GIPC2: variants seen among roughly 807,000 people sequenced by gnomAD.
GIPC2 encodes GIPC PDZ domain containing family member 2, also known as PDZ domain-containing protein GIPC2.
Under a neutral mutation model 30.6 loss-of-function variants are expected in GIPC2, and 30 were observed. The ratio of observed to expected loss-of-function variants is 0.98; its 90% CI spans 0.73 to 1.33. The LOEUF is 1.33. GIPC2 is among the 40% of genes most tolerant of loss of function. GIPC2 has a pLI of 0.00. For synonymous variants in GIPC2, 167 were observed against 150.0 expected, an observed-to-expected ratio of 1.11 and a Z score of -0.83; for missense variants, 414 against 390.3, an observed-to-expected ratio of 1.06 and a Z score of -0.51.
intron 1 of GIPC2, among the ~76,000 whole-genome samples, chr1:78,077,072 G>A (rs1029420197): frequency 5.3e-5 from 8 of 151,958 alleles, no homozygotes; most frequent in African/African-American, 1.9e-4. Flanking sequence ...GAGTCACTGC[G>A]CCCAGCCTAA....
At chr1:78,085,196 T>G (rs1446496217) in intron 2 of GIPC2, among the ~76,000 whole-genome samples, 1 of 152,216 alleles carries the variant, frequency 6.6e-6, no homozygotes, top group East Asian at 1.9e-4. Flanking sequence ...ATCATGTTGT[T>G]TTTGTCTTTA....
At chr1:78,060,661 G>A (rs1177695562) in intron 1 of GIPC2, among the ~76,000 whole-genome samples, 1 of 152,114 alleles carries the variant, frequency 6.6e-6, no homozygotes, top group African/African-American at 2.4e-5. Flanking sequence ...GTCCACTGTG[G>A]AGCTACACAG....
intron 1 of GIPC2, among the ~76,000 whole-genome samples, chr1:78,059,755 G>T (rs1335717942): frequency 6.6e-6 from 1 of 151,558 alleles, no homozygotes; most frequent in East Asian, 1.9e-4. Flanking sequence ...TGGGTAACAA[G>T]AGTGAGAAAA....
chr1:78,076,799 C>T lies in GIPC2; in HGVS notation c.241-3876C>T, dbSNP rs375309934. On this transcript the variant is annotated intron_variant, in intron 1 of 5. Transcript: ENST00000370759. The stretch of plus-strand genomic sequence containing the variant: ...TTTTATTTTTTTTGAGATAGAGTCT[C>T]GCTCTGTCACCCAGGCTGAGGTGCA... Among the ~76,000 whole-genome samples, 106 of 152,234 alleles carry T rather than the reference C, an allele frequency of 7.0e-4. 2 individuals carry two copies. Among genetic ancestry groups the T allele is most frequent in the African/African-American group, 2.3e-3 (97 of 41,546 alleles).
intron 2 of GIPC2, among the ~76,000 whole-genome samples, chr1:78,082,951 T>C (rs1661859513): frequency 6.6e-6 from 1 of 152,150 alleles, no homozygotes; most frequent in South Asian, 2.1e-4. Context: ...CACACATATA[T>C]ATATATATAC....
At chr1:78,111,942 T>C (rs1476991505) in intron 3 of GIPC2, among the ~76,000 whole-genome samples, 2 of 152,242 alleles carry the variant, frequency 1.3e-5, no homozygotes, top group African/African-American at 2.4e-5. Flanking sequence ...ACTAATTTTC[T>C]TATAAGTAAT....
At chr1:78,126,006 CT>C (rs1662775807) in intron 5 of GIPC2, 44 bp downstream of exon 5, 1 of 875,698 alleles carries the variant, frequency 1.1e-6, no homozygotes, top group Non-Finnish European at 1.9e-6. Flanking sequence ...TCTTAATCTG[CT>C]TAATGTTTAT....
intron 1 of GIPC2, among the ~76,000 whole-genome samples, chr1:78,055,839 A>C (rs1661285463): frequency 1.3e-5 from 2 of 152,198 alleles, no homozygotes. Context: ...AGAGCTATGC[A>C]CATGGTAGAT....
intron 4 of GIPC2, among the ~76,000 whole-genome samples, chr1:78,124,491 A>G (rs1309302276): frequency 6.6e-6 from 1 of 152,204 alleles, no homozygotes; most frequent in African/African-American, 2.4e-5. Context: ...GGGATGAGCC[A>G]TCAAACGTTT....
intron 1 of GIPC2, among the ~76,000 whole-genome samples, chr1:78,051,054 C>A (rs1314167311): frequency 6.6e-6 from 1 of 151,808 alleles, no homozygotes. Context: ...GTAGTTTTTA[C>A]CATGATATAT....
intron 3 of GIPC2, among the ~76,000 whole-genome samples, chr1:78,098,133 A>G (rs538298528): frequency 6.6e-6 from 1 of 152,304 alleles, no homozygotes; most frequent in African/African-American, 2.4e-5. Context: ...GATATCTGTC[A>G]GTCTGGGAGT....
chr1:78,058,800 C>T (rs1429131975), intron 1 of GIPC2, among the ~76,000 whole-genome samples: 1 of 152,126 alleles, frequency 6.6e-6, no homozygotes, highest in African/African-American at 2.4e-5. Flanking sequence ...AACAAACACT[C>T]CGTGGACCAA....
chr1:78,125,858 T>C (rs750676869), intron 4 of GIPC2, 23 bp from the exon 5 acceptor site: 1 of 1,326,292 alleles, frequency 7.5e-7, no homozygotes. Flanking sequence ...TATAATATCT[T>C]ATTTCTCTCT....
intron 1 of GIPC2, among the ~76,000 whole-genome samples, chr1:78,055,682 T>C (rs1383115749): frequency 6.6e-6 from 1 of 152,194 alleles, no homozygotes; most frequent in South Asian, 2.1e-4. Flanking sequence ...CTTATTAAAC[T>C]TCCTAAGAAA....
chr1:78,063,759 C>T (rs1252634966), intron 1 of GIPC2, among the ~76,000 whole-genome samples: 2 of 151,176 alleles, frequency 1.3e-5, no homozygotes, highest in South Asian at 2.1e-4. Context: ...TGGTGCATGC[C>T]TGTATTTCCA....
chr1:78,054,154 C>T (rs995640859), intron 1 of GIPC2, among the ~76,000 whole-genome samples: 1 of 152,128 alleles, frequency 6.6e-6, no homozygotes, highest in Non-Finnish European at 1.5e-5. Flanking sequence ...TTTTCTAGTC[C>T]TGTAATTTCC....
chr1:78,106,377 G>A (rs1179977139), intron 3 of GIPC2, among the ~76,000 whole-genome samples: 1 of 151,990 alleles, frequency 6.6e-6, no homozygotes, highest in Non-Finnish European at 1.5e-5. Context: ...GGCGAACACT[G>A]TTAAACACCA....
At chr1:78,102,254 T>C (rs1557543278) in intron 3 of GIPC2, among the ~76,000 whole-genome samples, 1 of 152,222 alleles carries the variant, frequency 6.6e-6, no homozygotes, top group Non-Finnish European at 1.5e-5. Flanking sequence ...ATGTTAAGTA[T>C]GTGAAGTGCA....
At chr1:78,076,050 G>A (rs1448960786) in intron 1 of GIPC2, among the ~76,000 whole-genome samples, 7 of 152,216 alleles carry the variant, frequency 4.6e-5, no homozygotes, top group Admixed American at 2.0e-4. Context: ...CAGAACCACC[G>A]TTTGGTAGCT....
Sources: gnomAD v4.1 joint callset for allele counts (sites outside exome capture counted in the v4.1 genomes callset) on GRCh38, gnomAD v4.1.1 for gene constraint, MANE v1.5 for transcripts, NCBI Gene and HGNC (gene_info 2026-07-23, HGNC 2026-07-21) for gene names.